GNA14: variants seen among roughly 807,000 people sequenced by gnomAD.
The protein encoded by GNA14 is guanine nucleotide-binding protein subunit alpha-14.
A neutral mutation model predicts 42.0 loss-of-function variants in GNA14; 50 were observed. The observed-to-expected ratio is 1.19, with a 90% CI of 0.95 to 1.51. The LOEUF is 1.51. GNA14 is among the 40% of genes most tolerant of loss of function. The probability of loss-of-function intolerance (pLI) is 0.00; values close to 1 mark genes in which losing one functional copy is unlikely to be tolerated. For synonymous variants in GNA14, 173 were observed against 163.1 expected (o/e 1.06, Z -0.46); for missense variants, 473 against 446.2 (o/e 1.06, Z -0.54).
intron 1 of GNA14, among the ~76,000 whole-genome samples, chr9:77,629,495 G>A (rs1824061651): frequency 1.3e-5 from 2 of 152,162 alleles, no homozygotes; most frequent in African/African-American, 4.8e-5. Flanking sequence ...GCCCACCAAT[G>A]ATAGACTGGA....
At chr9:77,592,214 T>G (rs1040271728) in intron 1 of GNA14, among the ~76,000 whole-genome samples, 2 of 152,192 alleles carry the variant, frequency 1.3e-5, no homozygotes, top group Non-Finnish European at 2.9e-5. Flanking sequence ...GTCCAGCACT[T>G]TCTTCTGTCA....
At chr9:77,429,962 T>A (rs1244386688) in intron 4 of GNA14, among the ~76,000 whole-genome samples, 1 of 151,294 alleles carries the variant, frequency 6.6e-6, no homozygotes, top group Non-Finnish European at 1.5e-5. Context: ...CTGAAGGCAC[T>A]GGGTCATTGT....
chr9:77,646,436 ACC>A (rs151127946), intron 1 of GNA14, among the ~76,000 whole-genome samples: 7 of 145,354 alleles, frequency 4.8e-5, no homozygotes, highest in African/African-American at 1.8e-4. Context: ...GGAGGGGCAC[ACC>A]CCCCCCCAAC....
intron 2 of GNA14, among the ~76,000 whole-genome samples, chr9:77,485,980 T>C (rs1397931302): frequency 3.9e-5 from 6 of 152,214 alleles, no homozygotes; most frequent in African/African-American, 1.4e-4. Flanking sequence ...TCCAACTTAA[T>C]GTCTCCAGCT....
chr9:77,637,855 A>G (rs1348946591), intron 1 of GNA14, among the ~76,000 whole-genome samples: 2 of 152,248 alleles, frequency 1.3e-5, no homozygotes, highest in Non-Finnish European at 2.9e-5. Flanking sequence ...AGGAGCAGGC[A>G]TATCACATAG....
chr9:77,517,379 T>C (rs1188922009), intron 2 of GNA14: 2 of 151,902 alleles, frequency 1.3e-5, no homozygotes, highest in African/African-American at 4.8e-5. Flanking sequence ...GGGCCACCCA[T>C]TAATTCATTG....
intron 1 of GNA14, among the ~76,000 whole-genome samples, chr9:77,563,074 C>T (rs1822908724): frequency 6.6e-6 from 1 of 152,174 alleles, no homozygotes; most frequent in Non-Finnish European, 1.5e-5. Context: ...GTGTTGTTCA[C>T]ACAAATGTAA....
intron 1 of GNA14, among the ~76,000 whole-genome samples, chr9:77,611,482 T>A (rs1823730241): frequency 6.6e-6 from 1 of 152,168 alleles, no homozygotes; most frequent in South Asian, 2.1e-4. Flanking sequence ...TCCAAGACTG[T>A]TTGCTATCCC....
chr9:77,425,321 A>G (rs1003511036), intron 6 of GNA14, among the ~76,000 whole-genome samples: 4 of 152,110 alleles, frequency 2.6e-5, no homozygotes, highest in African/African-American at 9.7e-5. Flanking sequence ...GGAGAACAAC[A>G]TGGAGGCAGC....
At chr9:77,589,905 C>T (rs903738006) in intron 1 of GNA14, among the ~76,000 whole-genome samples, 2 of 152,052 alleles carry the variant, frequency 1.3e-5, no homozygotes, top group Non-Finnish European at 2.9e-5. Context: ...ATAAGGAAAC[C>T]AGTACAAAGT....
chr9:77,527,453 C>G (rs1837458063), intron 2 of GNA14, among the ~76,000 whole-genome samples: 1 of 152,176 alleles, frequency 6.6e-6, no homozygotes, highest in African/African-American at 2.4e-5. Context: ...CAGCCCAATG[C>G]AAATTCATAA....
chr9:77,545,212 C>A (rs900543211), intron 1 of GNA14, among the ~76,000 whole-genome samples: 1 of 152,184 alleles, frequency 6.6e-6, no homozygotes, highest in African/African-American at 2.4e-5. Flanking sequence ...CCTTCCTATC[C>A]TTTCCTCCTC....
intron 1 of GNA14, among the ~76,000 whole-genome samples, chr9:77,647,214 CCCT>C (rs1824370427): frequency 6.6e-6 from 1 of 152,164 alleles, no homozygotes; most frequent in African/African-American, 2.4e-5. Flanking sequence ...GGTGGTGATG[CCCT>C]TAAGAACTTA....
rs1283159296 is a variant in GNA14 at position 77,473,732 on chromosome 9, G to A, written c.310-39210C>T. 2.0e-5 allele frequency among the ~76,000 whole-genome samples: 3 copies of A among 151,064 alleles called. No homozygotes were observed. The East Asian group carries it at 5.9e-4, about 29-fold the overall frequency. On this transcript the variant is annotated intron_variant, in intron 2 of 6. Coordinates refer to ENST00000341700, the MANE Select transcript of GNA14 (RefSeq NM_004297.4). The stretch of plus-strand genomic sequence containing the variant: ...CAAAACCTTGAAAAAGAAGGACAAA[G>A]TTGGGAGACTCACGCTCCCTGATTT...
At chr9:77,519,608 T>A (rs1837318352) in intron 2 of GNA14, among the ~76,000 whole-genome samples, 1 of 152,090 alleles carries the variant, frequency 6.6e-6, no homozygotes. Flanking sequence ...TGTATACACA[T>A]GGACACAGAG....
intron 1 of GNA14, among the ~76,000 whole-genome samples, chr9:77,561,635 G>C (rs927827573): frequency 6.6e-6 from 1 of 152,178 alleles, no homozygotes; most frequent in Admixed American, 6.5e-5. Context: ...GGGGAATGGA[G>C]AGTTCTTATT....
intron 1 of GNA14, among the ~76,000 whole-genome samples, chr9:77,589,392 CTTTT>C (rs899687258): frequency 3.3e-5 from 5 of 152,164 alleles, no homozygotes; most frequent in African/African-American, 7.2e-5. Flanking sequence ...GCTCGGTTTT[CTTTT>C]TTTGTTTTGT....
At chr9:77,607,836 G>A (rs919761397) in intron 1 of GNA14, among the ~76,000 whole-genome samples, 2 of 152,130 alleles carry the variant, frequency 1.3e-5, no homozygotes, top group Admixed American at 6.5e-5. Flanking sequence ...AAACTCTAGT[G>A]TCTTTTCTCA....
At chr9:77,605,132 A>G (rs1823628154) in intron 1 of GNA14, among the ~76,000 whole-genome samples, 1 of 152,232 alleles carries the variant, frequency 6.6e-6, no homozygotes, top group Non-Finnish European at 1.5e-5. Flanking sequence ...TTTTTCGTTA[A>G]AAGATTTAAA....
Sources: gnomAD v4.1 joint callset for allele counts (sites outside exome capture counted in the v4.1 genomes callset) on GRCh38, gnomAD v4.1.1 for gene constraint, MANE v1.5 for transcripts, NCBI Gene and HGNC (gene_info 2026-07-23, HGNC 2026-07-21) for gene names.